The following ADGRV1 variants were observed in gnomAD, a reference collection of about 807,000 sequenced individuals.
ADGRV1 encodes the protein adhesion G protein-coupled receptor V1.
A neutral mutation model predicts 596.2 loss-of-function variants in ADGRV1; 359 were observed. The ratio of observed to expected loss-of-function variants is 0.60; its 90% CI spans 0.55 to 0.66. ADGRV1 has a LOEUF of 0.66. Ranked by LOEUF, ADGRV1 falls within the 30% of genes least tolerant of loss-of-function variation. The probability of loss-of-function intolerance (pLI) is 0.00; values close to 1 mark genes in which losing one functional copy is unlikely to be tolerated. For missense variants in ADGRV1, 7,274 were observed against 7,575.6 expected (o/e 0.96, Z 1.48); for synonymous variants, 2,681 against 2,679.2 (o/e 1.00, Z -0.02).
At position 90,802,889 on chromosome 5, in the gene ADGRV1, G is replaced by A. The variant is rs372379392; in HGVS notation, c.14661+7G>A. ...GAAAGCTGCCAATTCTCAGGTAATT[G>A]GCCCTGTGTGTGGTTCTCTCAGCAG... is the stretch of plus-strand genomic sequence containing the variant. On this transcript the variant is annotated splice_region_variant and intron_variant, in intron 71 of 89. Transcript: ENST00000405460. The A allele has an allele frequency of 1.1e-5, 17 of 1,597,222 alleles. No individual in the cohort carries two copies. Among genetic ancestry groups the A allele is most frequent in the African/African-American group, 1.3e-5 (1 of 74,592 alleles).
At chr5:90,614,155 G>GAAAAAAAAAAAAA in intron 1 of ADGRV1, 1 of 259,214 alleles carries the variant, frequency 3.9e-6, no homozygotes, top group Non-Finnish European at 6.9e-6. Context: ...ATATCATAGT[G>GAAAAAAAAAAAAA]AAAAAAAAAA....
chr5:91,072,673 T>G (rs963932906), intron 86 of ADGRV1, 69 bp downstream of exon 86: 2 of 1,513,698 alleles, frequency 1.3e-6, no homozygotes, highest in African/African-American at 1.4e-5. Flanking sequence ...GTCACTGAAT[T>G]TTTTTTATCA....
chr5:91,103,051 C>G (rs1791533690), intron 87 of ADGRV1, among the ~76,000 whole-genome samples: 1 of 152,174 alleles, frequency 6.6e-6, no homozygotes, highest in African/African-American at 2.4e-5. Context: ...AATAGTCCTT[C>G]TTTTGGCTAC....
rs879255424 is a variant in ADGRV1 at position 90,635,227 on chromosome 5, A to G, written c.1953A>G (p.Glu651=). The stretch of plus-strand genomic sequence containing the variant: ...TTACTCCAGCCATTGCAAATGGAGA[A>G]ATTGGCTTTCTCAGCAATCTTCCAA... The part of the protein sequence containing the change: ...LLVTPAIANG[E]IGFLSNLPII... Residue 651 remains glutamate (E), a synonymous_variant, in exon 10 of 90, where the codon GAA becomes GAG. Coordinates refer to ENST00000405460, the MANE Select transcript of ADGRV1 (RefSeq NM_032119.4). 2 of 1,613,174 alleles carry G rather than the reference A, an allele frequency of 1.2e-6. No individual in the cohort carries two copies. The highest frequency in any genetic ancestry group is 1.7e-5 in the Admixed American group (1 of 59,896).
intron 82 of ADGRV1, among the ~76,000 whole-genome samples, chr5:90,861,470 C>G (rs574549292): frequency 2.0e-5 from 3 of 151,822 alleles, no homozygotes; most frequent in Non-Finnish European, 4.4e-5. Flanking sequence ...CCACCATGCC[C>G]GGCTGATTTT....
At chr5:90,656,262 C>T (rs1769393027) in intron 20 of ADGRV1, among the ~76,000 whole-genome samples, 1 of 152,060 alleles carries the variant, frequency 6.6e-6, no homozygotes, top group Non-Finnish European at 1.5e-5. Flanking sequence ...CTAATTTGTA[C>T]TTCATAATAA....
At chr5:90,696,514 A>T (rs574649872) in intron 33 of ADGRV1, among the ~76,000 whole-genome samples, 1 of 152,210 alleles carries the variant, frequency 6.6e-6, no homozygotes, top group South Asian at 2.1e-4. Context: ...TATTGTGTTG[A>T]TATCTGATTA....
intron 83 of ADGRV1, among the ~76,000 whole-genome samples, chr5:90,884,013 A>C (rs752273051): frequency 6.6e-6 from 1 of 152,168 alleles, no homozygotes. Context: ...GTGTCAAGTT[A>C]GGAATCACAT....
chr5:90,588,067 C>T (rs1266990492), intron 1 of ADGRV1, among the ~76,000 whole-genome samples: 1 of 151,992 alleles, frequency 6.6e-6, no homozygotes, highest in Non-Finnish European at 1.5e-5. Context: ...AGAATTTATT[C>T]TACTAGGTAT....
At chr5:90,863,160 T>C (rs1581359721) in intron 82 of ADGRV1, among the ~76,000 whole-genome samples, 1 of 152,312 alleles carries the variant, frequency 6.6e-6, no homozygotes, top group South Asian at 2.1e-4. Context: ...TTAAAACACA[T>C]GTATACCCTG....
At chr5:91,107,851 T>A (rs1354180375) in intron 87 of ADGRV1, among the ~76,000 whole-genome samples, 1 of 152,120 alleles carries the variant, frequency 6.6e-6, no homozygotes, top group East Asian at 1.9e-4. Flanking sequence ...CAGGAAAAGT[T>A]TATTGAGCTC....
chr5:91,035,429 A>G (rs1433759291), intron 85 of ADGRV1, among the ~76,000 whole-genome samples: 1 of 152,056 alleles, frequency 6.6e-6, no homozygotes, highest in Non-Finnish European at 1.5e-5. Flanking sequence ...CTTCCCCAAT[A>G]TATTTTTTAG....
At chr5:90,778,818 TG>T in intron 63 of ADGRV1, 46 bp from the exon 64 acceptor site, 1 of 1,471,104 alleles carries the variant, frequency 6.8e-7, no homozygotes, top group Non-Finnish European at 9.4e-7. Context: ...CAGTATTGTC[TG>T]GTAGATTAAA....
intron 61 of ADGRV1, among the ~76,000 whole-genome samples, chr5:90,776,961 G>A (rs1299942622): frequency 1.3e-5 from 2 of 151,988 alleles, no homozygotes; most frequent in Non-Finnish European, 2.9e-5. Flanking sequence ...ACATCATCAG[G>A]GCCAAACATT....
At chr5:90,917,610 A>G (rs563453879) in intron 83 of ADGRV1, among the ~76,000 whole-genome samples, 60 of 152,328 alleles carry the variant, frequency 3.9e-4, no homozygotes, top group Admixed American at 1.4e-3. Flanking sequence ...TGAGGAAGTC[A>G]GTTTCCTGTA....
rs1236715896 is a variant in ADGRV1, at chr5:90,791,233, C to T, written c.14404C>T (p.Arg4802Ter). ...GTFGDVAVGL[R>*]ISSDHKEQPI... ...ATTTGGAGATGTGGCTGTTGGGCTTCGAATATCATCGGATCATAAAGAACA... is the reference window on the plus strand; with the variant it reads ...ATTTGGAGATGTGGCTGTTGGGCTTTGAATATCATCGGATCATAAAGAACA... Residue 4802 changes from arginine (R) to a stop codon, truncating the protein, a stop_gained, in exon 70 of 90, where the codon CGA (arginine) becomes TGA (stop). Coordinates refer to ENST00000405460, the MANE Select transcript of ADGRV1 (RefSeq NM_032119.4). LOFTEE classifies it high-confidence loss of function. 8 of 1,613,144 alleles carry T rather than the reference C, an allele frequency of 5.0e-6. No homozygotes were observed. The highest frequency in any genetic ancestry group is 5.9e-6 in the Non-Finnish European group (7 of 1,179,624).
chr5:90,922,425 T>C (rs1332200771), intron 83 of ADGRV1, among the ~76,000 whole-genome samples: 2 of 152,232 alleles, frequency 1.3e-5, no homozygotes, highest in African/African-American at 4.8e-5. Flanking sequence ...GTTGTTTCTC[T>C]GGCTTTTCAC....
At chr5:91,007,393 T>C (rs1219033259) in intron 85 of ADGRV1, among the ~76,000 whole-genome samples, 1 of 149,244 alleles carries the variant, frequency 6.7e-6, no homozygotes. Flanking sequence ...TTTCCTCCTT[T>C]GATCTCCCTA....
intron 58 of ADGRV1, chr5:90,763,055 A>C (rs985367144): frequency 5.3e-6 from 2 of 375,186 alleles, no homozygotes; most frequent in African/African-American, 4.1e-5. Flanking sequence ...TTCTGCCTCT[A>C]TTCTCTGGGT....
Sources: gnomAD v4.1 joint callset for allele counts (sites outside exome capture counted in the v4.1 genomes callset) on GRCh38, gnomAD v4.1.1 for gene constraint, MANE v1.5 for transcripts, NCBI Gene and HGNC (gene_info 2026-07-23, HGNC 2026-07-21) for gene names.